Variants in TPRG1 observed in about 807,000 individuals in gnomAD.
The protein encoded by TPRG1 is tumor protein p63 regulated 1.
TPRG1 carries 29 observed loss-of-function variants against 29.3 expected under a neutral mutation model. That is an observed-to-expected ratio of 0.99 (90% CI 0.74 to 1.35). The LOEUF is 1.35. Ranked by LOEUF, TPRG1 falls within the 40% of genes most tolerant of loss-of-function variation. TPRG1 has a pLI of 0.00. For missense variants in TPRG1, 327 were observed against 335.0 expected, an observed-to-expected ratio of 0.98 and a Z score of 0.19; for synonymous variants, 130 against 116.8, an observed-to-expected ratio of 1.11 and a Z score of -0.73.
At chr3:189,088,921 C>T (rs1718145653) in intron 4 of TPRG1, among the ~76,000 whole-genome samples, 1 of 152,140 alleles carries the variant, frequency 6.6e-6, no homozygotes, top group South Asian at 2.1e-4. Flanking sequence ...CCCTAATGCT[C>T]TTCCTCTGTT....
intron 1 of TPRG1, among the ~76,000 whole-genome samples, chr3:189,125,659 T>C (rs1197779734): frequency 6.6e-6 from 1 of 152,122 alleles, no homozygotes; most frequent in East Asian, 1.9e-4. Flanking sequence ...AAAGGAAGTA[T>C]CACCTTCAAG....
chr3:189,265,019 G>A (rs1000291), intron 4 of TPRG1, among the ~76,000 whole-genome samples: 85,107 of 152,012 alleles, frequency 0.56, 25,168 homozygotes, highest in African/African-American at 0.74. Context: ...AAATAGTGAG[G>A]AAAGTTGAAT....
At chr3:189,156,908 G>A (rs1278713033) in intron 5 of TPRG1, among the ~76,000 whole-genome samples, 1 of 152,214 alleles carries the variant, frequency 6.6e-6, no homozygotes, top group Non-Finnish European at 1.5e-5. Context: ...GGGTCCTCAG[G>A]TTGAGGAATG....
chr3:189,285,093 G>GA (rs1461602686), intron 4 of TPRG1, among the ~76,000 whole-genome samples: 2 of 151,968 alleles, frequency 1.3e-5, no homozygotes, highest in East Asian at 1.9e-4. Flanking sequence ...AAATTTACAA[G>GA]AAAAAAATCA....
At chr3:189,224,931 CTTTTTTTT>C (rs139957231) in intron 3 of TPRG1, among the ~76,000 whole-genome samples, 6 of 126,980 alleles carry the variant, frequency 4.7e-5, no homozygotes, top group Non-Finnish European at 8.3e-5. Flanking sequence ...CTTCCTTTTT[CTTTTTTTT>C]TTTTTTTTTT....
chr3:189,028,165 C>T (rs1357189940), intron 4 of TPRG1, among the ~76,000 whole-genome samples: 1 of 152,286 alleles, frequency 6.6e-6, no homozygotes, highest in South Asian at 2.1e-4. Context: ...GTTATATAAT[C>T]GTACTCCATG....
chr3:189,034,276 A>T (rs759263432), intron 4 of TPRG1, among the ~76,000 whole-genome samples: 11 of 150,688 alleles, frequency 7.3e-5, no homozygotes, highest in Non-Finnish European at 1.2e-4. Context: ...TCAAAAGCAG[A>T]TCCTTTCAGA....
Position 189,207,517 on chromosome 3 carries a change from T to C in TPRG1, c.133T>C (p.Ser45Pro). 6.2e-7 allele frequency: 1 copy of C among 1,614,052 alleles called. No individual in the cohort carries two copies. Among genetic ancestry groups the C allele is most frequent in the Non-Finnish European group, 8.5e-7 (1 of 1,179,964 alleles). Residue 45 changes from serine to proline, a missense_variant, in exon 2 of 6, where the codon TCA becomes CCA. By Grantham distance (74) the Ser-to-Pro change is moderately conservative. Coordinates refer to ENST00000345063, the MANE Select transcript of TPRG1 (RefSeq NM_198485.4). ...GATGCCAAGACAGATTTCAAGGCAG[T>C]CAAGTGTGACCGAATCAACTCTTTA... ...DPMPRQISRQ[S>P]SVTESTLYPN...
chr3:189,087,760 G>C (rs1471548874), intron 4 of TPRG1, among the ~76,000 whole-genome samples: 2 of 152,174 alleles, frequency 1.3e-5, no homozygotes, highest in East Asian at 1.9e-4. Context: ...TTATTAAATA[G>C]GGAATCCTTT....
chr3:189,162,204 A>G (rs967261701), intron 5 of TPRG1, among the ~76,000 whole-genome samples: 2 of 152,102 alleles, frequency 1.3e-5, no homozygotes, highest in Non-Finnish European at 2.9e-5. Context: ...CCATCTTGGC[A>G]GGCTGGTCTT....
Position 189,304,667 on chromosome 3 carries a change from CCT to C in TPRG1, c.480-5716_480-5715del, listed in dbSNP as rs1721355381. ...TGGGTTCTTGTCATGGAAAATATTT[CCT>C]CTGAGGTCATTCAATGAGCAAAGGA... On this transcript the variant is annotated intron_variant, in intron 4 of 5. Transcript: ENST00000345063. 2.6e-5 allele frequency among the ~76,000 whole-genome samples: 4 copies of C among 152,240 alleles called. No homozygotes were observed. The South Asian group carries it at 8.3e-4, about 32-fold the overall frequency.
chr3:189,272,419 T>C (rs897271380), intron 4 of TPRG1, among the ~76,000 whole-genome samples: 1 of 152,234 alleles, frequency 6.6e-6, no homozygotes, highest in Non-Finnish European at 1.5e-5. Context: ...GAGCTATAAG[T>C]TTCTGATGAG....
intron 4 of TPRG1, among the ~76,000 whole-genome samples, chr3:189,273,324 C>T (rs535459557): frequency 2.0e-5 from 3 of 152,278 alleles, no homozygotes; most frequent in African/African-American, 7.2e-5. Context: ...GTGGCAAGTG[C>T]TGCTGGAGTT....
At chr3:189,034,809 C>T (rs1414471335) in intron 4 of TPRG1, among the ~76,000 whole-genome samples, 2 of 152,060 alleles carry the variant, frequency 1.3e-5, no homozygotes, top group Non-Finnish European at 2.9e-5. Flanking sequence ...AATGGAAAAA[C>T]ATTCCATGCT....
rs141991157 is a variant in TPRG1, at chr3:189,069,298, T to A, written c.-463+45352T>A. Reference sequence around the variant, plus strand: ...TCCATTTAAACAACTTTCTTTAAAATACATACTTTTAGAAATGGAGAACAG... The same window carrying A: ...TCCATTTAAACAACTTTCTTTAAAAAACATACTTTTAGAAATGGAGAACAG... On this transcript the variant is annotated intron_variant, in intron 4 of 10. Coordinates refer to the TPRG1 transcript ENST00000433971. 1.3e-4 allele frequency among the ~76,000 whole-genome samples: 20 copies of A among 152,308 alleles called. No individual in the cohort carries two copies. The East Asian group carries it at 3.9e-3, about 29-fold the overall frequency.
At chr3:189,222,922 C>A (rs745721127) in intron 3 of TPRG1, among the ~76,000 whole-genome samples, 3 of 152,160 alleles carry the variant, frequency 2.0e-5, no homozygotes, top group Non-Finnish European at 4.4e-5. Flanking sequence ...TCTGCTAACC[C>A]GGCCTTCTCC....
intron 4 of TPRG1, among the ~76,000 whole-genome samples, chr3:189,280,548 C>T (rs746560061): frequency 6.6e-6 from 1 of 151,734 alleles, no homozygotes; most frequent in Non-Finnish European, 1.5e-5. Context: ...GCATTGAGAC[C>T]CATATCTAAA....
At chr3:189,251,104 C>G (rs1742179902) in intron 4 of TPRG1, among the ~76,000 whole-genome samples, 1 of 151,864 alleles carries the variant, frequency 6.6e-6, no homozygotes, top group Non-Finnish European at 1.5e-5. Context: ...TCTTTCCTTA[C>G]CTACAGTTGT....
chr3:189,303,409 A>G (rs9681574), intron 4 of TPRG1, among the ~76,000 whole-genome samples: 66,066 of 151,966 alleles, frequency 0.43, 14,703 homozygotes, highest in Middle Eastern at 0.51. Flanking sequence ...GTGTAGAGTT[A>G]GAGTGTCCTC....
Sources: gnomAD v4.1 joint callset for allele counts (sites outside exome capture counted in the v4.1 genomes callset) on GRCh38, gnomAD v4.1.1 for gene constraint, MANE v1.5 for transcripts, NCBI Gene and HGNC (gene_info 2026-07-23, HGNC 2026-07-21) for gene names.